SLC1A1: variants seen among roughly 807,000 people sequenced by gnomAD.
SLC1A1 encodes the protein solute carrier family 1 member 1.
In SLC1A1, 43 loss-of-function variants were observed where a neutral mutation model predicts 53.3. The ratio of observed to expected loss-of-function variants is 0.81; its 90% CI spans 0.63 to 1.04. The LOEUF (loss-of-function observed/expected upper bound fraction) is 1.04. SLC1A1 is among the 50% of genes least tolerant of loss of function. The probability of loss-of-function intolerance (pLI) is 0.00; values close to 1 mark genes in which losing one functional copy is unlikely to be tolerated. For synonymous variants in SLC1A1, 307 were observed against 243.2 expected (o/e 1.26, Z -2.44); for missense variants, 748 against 664.9 (o/e 1.12, Z -1.37).
chr9:4,506,998 G>C lies in SLC1A1; in HGVS notation c.91+16228G>C, dbSNP rs896364969. 4.6e-5 allele frequency among the ~76,000 whole-genome samples: 7 copies of C among 152,260 alleles called. No homozygotes were observed. The East Asian group carries it at 1.4e-3, about 29-fold the overall frequency. On this transcript the variant is annotated intron_variant, in intron 1 of 11. Transcript: ENST00000262352. ...TGTAATCCCAGCACTTCGGGAGGCC[G>C]AGGTGTGTGAATCACTAGGTCAGGA...
intron 1 of SLC1A1, among the ~76,000 whole-genome samples, chr9:4,524,738 T>C (rs190120459): frequency 3.5e-4 from 54 of 152,238 alleles, no homozygotes; most frequent in African/African-American, 1.0e-3. Flanking sequence ...AAATTATTGT[T>C]AAAATATGGT....
At chr9:4,529,531 T>G (rs2130849027) in intron 1 of SLC1A1, among the ~76,000 whole-genome samples, 1 of 152,306 alleles carries the variant, frequency 6.6e-6, no homozygotes, top group East Asian at 1.9e-4. Context: ...GATGCCTATT[T>G]CTGTAGGTGC....
chr9:4,538,572 T>C (rs928625912), intron 1 of SLC1A1, among the ~76,000 whole-genome samples: 3 of 152,324 alleles, frequency 2.0e-5, no homozygotes, highest in Middle Eastern at 6.8e-3. Context: ...CTTGGATGTA[T>C]TTGAGTTGAT....
At chr9:4,548,995 C>T (rs931979578) in intron 2 of SLC1A1, among the ~76,000 whole-genome samples, 5 of 152,188 alleles carry the variant, frequency 3.3e-5, no homozygotes, top group Non-Finnish European at 5.9e-5. Flanking sequence ...CAGGAAATAG[C>T]TTATGAATAT....
intron 2 of SLC1A1, among the ~76,000 whole-genome samples, chr9:4,554,699 G>A (rs1032607412): frequency 2.6e-5 from 4 of 152,222 alleles, no homozygotes; most frequent in Non-Finnish European, 5.9e-5. Flanking sequence ...CCCCTGCAAG[G>A]CCTGTTGGCC....
intron 10 of SLC1A1, among the ~76,000 whole-genome samples, chr9:4,579,271 TTCTGC>T (rs1820843821): frequency 6.6e-6 from 1 of 152,242 alleles, no homozygotes; most frequent in Admixed American, 6.5e-5. Context: ...CTGAAAAAGT[TTCTGC>T]TCCACAACCA....
rs534144847 is a variant in SLC1A1 at position 4,517,976 on chromosome 9, C to A, written c.92-26591C>A. On this transcript the variant is annotated intron_variant, in intron 1 of 11. Transcript: ENST00000262352. ...AGCACGGTGGCTCACGCCTGTAATC[C>A]CAGCACTTTGGGAGGCTGAGACAGG... Among the ~76,000 whole-genome samples the A allele has an allele frequency of 8.6e-5, 13 of 152,040 alleles. No homozygotes were observed. In the South Asian group the frequency reaches 2.5e-3, roughly 29 times the overall value.
intron 1 of SLC1A1, among the ~76,000 whole-genome samples, chr9:4,515,754 G>T (rs1338459476): frequency 2.0e-5 from 3 of 152,162 alleles, no homozygotes; most frequent in Non-Finnish European, 4.4e-5. Flanking sequence ...CATCTTTCCA[G>T]CAGGACTGAA....
At chr9:4,533,541 C>G (rs1282013197) in intron 1 of SLC1A1, among the ~76,000 whole-genome samples, 1 of 152,180 alleles carries the variant, frequency 6.6e-6, no homozygotes, top group Non-Finnish European at 1.5e-5. Context: ...GCACCCAATA[C>G]AGGAGCACCC....
intron 1 of SLC1A1, among the ~76,000 whole-genome samples, chr9:4,506,746 T>G (rs1311011018): frequency 2.0e-5 from 3 of 152,178 alleles, no homozygotes; most frequent in Admixed American, 1.3e-4. Flanking sequence ...GTAGGCTTCC[T>G]GAAGCCTATT....
chr9:4,558,195 T>A (rs1311121055), intron 2 of SLC1A1, among the ~76,000 whole-genome samples: 1 of 152,204 alleles, frequency 6.6e-6, no homozygotes, highest in Non-Finnish European at 1.5e-5. Flanking sequence ...GCTGTTTCCC[T>A]GTATCTGTTC....
chr9:4,542,437 G>C (rs1817099297), intron 1 of SLC1A1, among the ~76,000 whole-genome samples: 1 of 152,170 alleles, frequency 6.6e-6, no homozygotes, highest in African/African-American at 2.4e-5. Context: ...CATTAATTTA[G>C]CATAGAGATA....
At chr9:4,518,710 G>T (rs1470410622) in intron 1 of SLC1A1, among the ~76,000 whole-genome samples, 2 of 152,144 alleles carry the variant, frequency 1.3e-5, no homozygotes, top group Non-Finnish European at 2.9e-5. Context: ...TCAAGGTAGA[G>T]TGAAAAATAT....
At chr9:4,532,859 G>A (rs1250174380) in intron 1 of SLC1A1, among the ~76,000 whole-genome samples, 2 of 152,148 alleles carry the variant, frequency 1.3e-5, no homozygotes, top group Non-Finnish European at 2.9e-5. Flanking sequence ...ACTAACAGCT[G>A]ATCTCTCGGC....
intron 11 of SLC1A1, 54 bp from the exon 12 acceptor site, chr9:4,585,255 GTGA>G: frequency 6.2e-7 from 1 of 1,607,582 alleles, no homozygotes; most frequent in Non-Finnish European, 8.5e-7. Context: ...CATCTCTCCA[GTGA>G]TGAAGGAAAA....
At chr9:4,522,051 TTTC>T (rs1267594225) in intron 1 of SLC1A1, among the ~76,000 whole-genome samples, 362 of 25,476 alleles carry the variant, frequency 0.014, 32 homozygotes, top group Non-Finnish European at 0.025. Context: ...TCTTTTTTTT[TTTC>T]TTTTTTTTTT....
chr9:4,517,966 G>A (rs965188590), intron 1 of SLC1A1, among the ~76,000 whole-genome samples: 9 of 152,036 alleles, frequency 5.9e-5, no homozygotes, highest in African/African-American at 1.2e-4. Context: ...GGTGGCTCAC[G>A]CCTGTAATCC....
intron 2 of SLC1A1, among the ~76,000 whole-genome samples, chr9:4,552,609 C>T (rs962623870): frequency 6.6e-6 from 1 of 152,032 alleles, no homozygotes; most frequent in Non-Finnish European, 1.5e-5. Flanking sequence ...CTGTGCCATT[C>T]TCTACAGAGG....
At chr9:4,497,883 G>C (rs1156775291) in intron 1 of SLC1A1, among the ~76,000 whole-genome samples, 1 of 152,282 alleles carries the variant, frequency 6.6e-6, no homozygotes, top group African/African-American at 2.4e-5. Flanking sequence ...AAGGGACTTA[G>C]ATTAGCTGGG....
Sources: gnomAD v4.1 joint callset for allele counts (sites outside exome capture counted in the v4.1 genomes callset) on GRCh38, gnomAD v4.1.1 for gene constraint, MANE v1.5 for transcripts, NCBI Gene and HGNC (gene_info 2026-07-23, HGNC 2026-07-21) for gene names.